Variants in SLC36A2 observed in about 807,000 individuals in gnomAD.
SLC36A2 encodes solute carrier family 36 member 2, also known as proton-coupled amino acid transporter 2.
SLC36A2 carries 39 observed loss-of-function variants against 42.7 expected under a neutral mutation model. The ratio of observed to expected loss-of-function variants is 0.91; its 90% confidence interval spans 0.71 to 1.19. The LOEUF (loss-of-function observed/expected upper bound fraction) is 1.19, where lower values mean the gene tolerates loss of function less well. Among genes scored for constraint, SLC36A2 ranks in the 50% most tolerant of loss-of-function variants. SLC36A2 has a pLI of 0.00. For missense variants in SLC36A2, 590 were observed against 613.7 expected, an observed-to-expected ratio of 0.96 and a Z score of 0.41; for synonymous variants, 237 against 240.8, an observed-to-expected ratio of 0.98 and a Z score of 0.15.
chr5:151,325,553 G>A, intron 7 of SLC36A2, 101 bp from the exon 8 acceptor site: 1 of 1,229,974 alleles, frequency 8.1e-7, no homozygotes, highest in African/African-American at 1.5e-5. Flanking sequence ...CTGAAAGCAG[G>A]GCCTCAAAGA....
Position 151,347,438 on chromosome 5 carries a change from T to C in SLC36A2, c.23A>G (p.Glu8Gly). The C allele has an allele frequency of 6.2e-7, 1 of 1,614,110 alleles. No homozygotes were observed. Among genetic ancestry groups the C allele is most frequent in the Non-Finnish European group, 8.5e-7 (1 of 1,180,022 alleles). MSVTKST[E>G]GPQGAVAIKL... ...GATGGCAACGGCTCCCTGGGGACCC[T>C]CAGTACTTTTTGTCACAGACATGAC... Residue 8 changes from glutamate to glycine, a missense_variant, in exon 1 of 10, where the codon GAG becomes GGG. Glu to Gly is a moderately conservative substitution (Grantham distance 98). Transcript: ENST00000335244.
At chr5:151,338,681 G>GAAAA (rs113529350) in intron 5 of SLC36A2, 8,008 of 182,052 alleles carry the variant, frequency 0.044, 701 homozygotes, top group African/African-American at 0.19. Flanking sequence ...GTCTCAAAAA[G>GAAAA]AAAAAAAAAA....
chr5:151,318,283 G>T (rs1056147500), intron 9 of SLC36A2, among the ~76,000 whole-genome samples: 3 of 151,688 alleles, frequency 2.0e-5, no homozygotes, highest in Non-Finnish European at 4.4e-5. Context: ...AAATAACAGT[G>T]CTGGGAACCA....
rs1491134698 is a variant in SLC36A2 at position 151,336,006 on chromosome 5, A to AC, written c.526-460_526-459insG. ...CAACAGAGTAAGGCCCTGTATCCAC[A>AC]AAAAAAAAAAAAAGTTGTAAAAATA... On this transcript the variant is annotated intron_variant, in intron 5 of 9. Transcript: ENST00000335244. Among the ~76,000 whole-genome samples the AC allele has an allele frequency of 2.2e-3, 216 of 99,500 alleles. No individual in the cohort carries two copies. In the African/African-American group the frequency reaches 0.031, roughly 14 times the overall value. The allele number at this position is 99,500 out of a possible 152,430, so 65.3% of individuals were successfully genotyped here. A position where few individuals can be genotyped will look rare whatever the true frequency, so the allele number is the denominator to read the frequency against.
At chr5:151,319,042 C>G (rs369449307) in intron 9 of SLC36A2, 1 of 470,502 alleles carries the variant, frequency 2.1e-6, no homozygotes, top group Non-Finnish European at 2.8e-6. Context: ...AAGTCCCACC[C>G]CTTCCTCAGC....
chr5:151,333,379 T>G (rs1421454386), intron 6 of SLC36A2, 57 bp from the exon 7 acceptor site: 40 of 1,428,172 alleles, frequency 2.8e-5, no homozygotes, highest in Non-Finnish European at 4.0e-5. Context: ...TTGAGCTCCT[T>G]TAAGAGAAGG....
intron 3 of SLC36A2, 48 bp downstream of exon 3, chr5:151,343,462 G>A: frequency 6.4e-7 from 1 of 1,562,952 alleles, no homozygotes; most frequent in East Asian, 2.2e-5. Context: ...GGCTATCCCT[G>A]AGAACCATGC....
chr5:151,339,349 T>C (rs1756253073), intron 4 of SLC36A2, among the ~76,000 whole-genome samples: 1 of 151,726 alleles, frequency 6.6e-6, no homozygotes, highest in South Asian at 2.1e-4. Flanking sequence ...AGTTTTGCTC[T>C]TGTTGCCCAG....
intron 7 of SLC36A2, among the ~76,000 whole-genome samples, chr5:151,329,052 A>G (rs988412666): frequency 1.3e-5 from 2 of 152,224 alleles, no homozygotes; most frequent in African/African-American, 4.8e-5. Context: ...AACACAGAGA[A>G]GAGGAAACTG....
At chr5:151,319,443 C>A in intron 9 of SLC36A2, 1 of 154,990 alleles carries the variant, frequency 6.5e-6, no homozygotes, top group South Asian at 1.8e-4. Flanking sequence ...TCAGGGGATC[C>A]AGCAGCTGCT....
chr5:151,332,574 A>G (rs941948993), intron 7 of SLC36A2: 1 of 369,550 alleles, frequency 2.7e-6, no homozygotes, highest in Non-Finnish European at 5.3e-6. Flanking sequence ...GCATGGACGA[A>G]TTTAAAATGC....
At chr5:151,343,414 C>T in intron 3 of SLC36A2, 96 bp downstream of exon 3, 3 of 1,305,008 alleles carry the variant, frequency 2.3e-6, no homozygotes, top group Admixed American at 1.7e-5. Context: ...TTGGAGAAAA[C>T]TAAGAAGTAA....
chr5:151,328,422 A>T (rs908374695), intron 7 of SLC36A2, among the ~76,000 whole-genome samples: 1 of 152,250 alleles, frequency 6.6e-6, no homozygotes, highest in African/African-American at 2.4e-5. Context: ...AAATCTTAGA[A>T]CTATGCGGTG....
At position 151,322,208 on chromosome 5, in the gene SLC36A2, G is replaced by T. The variant is rs767468891; in HGVS notation, c.1018C>A (p.Gln340Lys). Reference sequence around the variant, plus strand: ...GCAATGTAGAGAAGCTTGACAGACTGGTACAGCCTGCAAGACAAACCACAG... The same window carrying T: ...GCAATGTAGAGAAGCTTGACAGACTTGTACAGCCTGCAAGACAAACCACAG... ...SLNLPNCWLY[Q>K]SVKLLYIAGI... The change falls in exon 9 of 10, where the codon CAG becomes AAG. Residue 340 changes from glutamine to lysine, a missense_variant. Coordinates refer to ENST00000335244, the MANE Select transcript of SLC36A2 (RefSeq NM_181776.3). 1.4e-5 allele frequency: 23 copies of T among 1,614,020 alleles called. No individual in the cohort carries two copies. The South Asian group carries it at 2.4e-4, about 17-fold the overall frequency.
At chr5:151,340,813 G>A (rs1281655313) in intron 4 of SLC36A2, among the ~76,000 whole-genome samples, 1 of 152,190 alleles carries the variant, frequency 6.6e-6, no homozygotes, top group African/African-American at 2.4e-5. Flanking sequence ...TGGGATGTAA[G>A]GCAATAAAAT....
At chr5:151,320,545 C>G (rs1755656543) in intron 9 of SLC36A2, among the ~76,000 whole-genome samples, 2 of 151,976 alleles carry the variant, frequency 1.3e-5, no homozygotes, top group South Asian at 2.1e-4. Flanking sequence ...GCTGGGCCAC[C>G]TCTACTCTAC....
At chr5:151,332,730 T>C (rs190603335) in intron 7 of SLC36A2, among the ~76,000 whole-genome samples, 1 of 152,348 alleles carries the variant, frequency 6.6e-6, no homozygotes, top group African/African-American at 2.4e-5. Flanking sequence ...TTTATTCCTC[T>C]ACATGCTTCT....
chr5:151,326,758 G>A (rs1379111679), intron 7 of SLC36A2, among the ~76,000 whole-genome samples: 1 of 151,234 alleles, frequency 6.6e-6, no homozygotes, highest in Non-Finnish European at 1.5e-5. Flanking sequence ...TTCTCTACAT[G>A]CACTATTTAG....
Position 151,339,147 on chromosome 5 carries a change from A to G in SLC36A2, c.441-3T>C. The G allele has an allele frequency of 1.2e-6, 2 of 1,602,788 alleles. No individual in the cohort carries two copies. Among genetic ancestry groups the G allele is most frequent in the Non-Finnish European group, 1.7e-6 (2 of 1,171,664 alleles). On this transcript the variant is annotated splice_region_variant and splice_polypyrimidine_tract_variant and intron_variant, in intron 4 of 9. Transcript: ENST00000335244. ...TAAGGAAGAAGCTCACGATATGCCT[A>G]GAAGGGAGAAGAGAGGGAAAAAGAA...
Sources: allele counts gnomAD v4.1 joint callset (sites outside exome capture counted in the v4.1 genomes callset), GRCh38; gene constraint gnomAD v4.1.1; transcripts MANE v1.5; gene names NCBI Gene and HGNC (gene_info 2026-07-23, HGNC 2026-07-21).